The following ZNF25 variants were observed in gnomAD, a reference collection of about 807,000 sequenced individuals.
The protein encoded by ZNF25 is zinc finger protein 25.
ZNF25 carries 21 observed loss-of-function variants against 30.9 expected under a neutral mutation model. That is an observed-to-expected ratio of 0.68 (90% CI 0.48 to 0.98). ZNF25 has a LOEUF of 0.98. Among genes scored for constraint, ZNF25 ranks in the 50% least tolerant of loss-of-function variants. ZNF25 has a pLI of 0.00. For synonymous variants in ZNF25, 169 were observed against 181.3 expected, an observed-to-expected ratio of 0.93 and a Z score of 0.55; for missense variants, 501 against 529.9, an observed-to-expected ratio of 0.95 and a Z score of 0.54.
At chr10:37,956,519 A>G (rs1224512530) in intron 4 of ZNF25, among the ~76,000 whole-genome samples, 1 of 152,216 alleles carries the variant, frequency 6.6e-6, no homozygotes, top group Non-Finnish European at 1.5e-5. Flanking sequence ...AGCAAAGAAG[A>G]GAATTTAAGT....
At position 37,952,774 on chromosome 10, in the gene ZNF25, T is replaced by C. The variant is rs1271766580; in HGVS notation, c.724A>G (p.Lys242Glu). 1.2e-6 allele frequency: 2 copies of C among 1,614,124 alleles called. No individual in the cohort carries two copies. The highest frequency in any genetic ancestry group is 1.1e-5 in the South Asian group (1 of 91,088). The part of the protein sequence containing the change: ...CTECGKFFYV[K>E]AYLMVHQKTH... ...TTCTGATGTACCATGAGGTATGCCT[T>C]CACATAGAAGAACTTCCCACATTCA... Residue 242 changes from lysine (K) to glutamate (E), a missense_variant, in exon 6 of 6, where the codon AAG (lysine) becomes GAG (glutamate). Coordinates refer to ENST00000302609, the MANE Select transcript of ZNF25 (RefSeq NM_145011.4).
chr10:37,971,692 TAAGTA>T lies in ZNF25; in HGVS notation c.15+11_15+15del, dbSNP rs1349589505. On this transcript the variant is annotated intron_variant, in intron 2 of 5. Coordinates refer to ENST00000302609, the MANE Select transcript of ZNF25 (RefSeq NM_145011.4). ...ACACACAGTGAAACAAAGTTAGGGC[TAAGTA>T]AATGACTCACCTGGAACTTGTTCAT... 1 of 1,611,796 alleles carries T rather than the reference TAAGTA, an allele frequency of 6.2e-7. No individual in the cohort carries two copies. The highest frequency in any genetic ancestry group is 8.5e-7 in the Non-Finnish European group (1 of 1,179,812).
chr10:37,968,748 A>C (rs1395326315), intron 2 of ZNF25, among the ~76,000 whole-genome samples: 1 of 152,170 alleles, frequency 6.6e-6, no homozygotes, highest in East Asian at 1.9e-4. Flanking sequence ...AAATAACACA[A>C]CTCACCCTTG....
In ZNF25 at chr10:37,952,488, G is replaced by A. The variant is rs376857487; in HGVS notation, c.1010C>T (p.Thr337Ile). 6.2e-7 allele frequency: 1 copy of A among 1,614,072 alleles called. No individual in the cohort carries two copies. Among genetic ancestry groups the A allele is most frequent in the Non-Finnish European group, 8.5e-7 (1 of 1,179,994 alleles). Reference protein sequence around the residue: ...SALTVHQRTHTGEKPFECNKC... With the variant: ...SALTVHQRTHIGEKPFECNKC... The stretch of plus-strand genomic sequence containing the variant: ...ATTACATTCAAAGGGTTTCTCCCCT[G>A]TGTGAGTTCGCTGATGTACTGTGAG... The change falls in exon 6 of 6, where the codon ACA (threonine) becomes ATA (isoleucine). Residue 337 changes from threonine to isoleucine, a missense_variant. Coordinates refer to ENST00000302609, the MANE Select transcript of ZNF25 (RefSeq NM_145011.4).
At position 37,971,695 on chromosome 10, in the gene ZNF25, G is replaced by GT; in HGVS notation, c.15+12dup. On this transcript the variant is annotated intron_variant, in intron 2 of 5. Transcript: ENST00000302609. ...CACAGTGAAACAAAGTTAGGGCTAA[G>GT]TAAATGACTCACCTGGAACTTGTTC... The GT allele has an allele frequency of 6.3e-7, 1 of 1,597,320 alleles. No individual in the cohort carries two copies. Among genetic ancestry groups the GT allele is most frequent in the South Asian group, 1.1e-5 (1 of 90,934 alleles).
At chr10:37,957,675 G>A in intron 2 of ZNF25, 129 bp from the exon 3 acceptor site, 1 of 964,530 alleles carries the variant, frequency 1.0e-6, no homozygotes, top group Admixed American at 2.7e-5. Flanking sequence ...TATTTGCCAT[G>A]CTGTACCCTG....
intron 2 of ZNF25, among the ~76,000 whole-genome samples, chr10:37,959,442 G>C (rs1039948387): frequency 3.9e-5 from 6 of 152,130 alleles, no homozygotes; most frequent in African/African-American, 7.2e-5. Context: ...TCGCTCGTGG[G>C]TACAGTTATA....
At chr10:37,956,738 GA>G (rs201384453) in intron 4 of ZNF25, among the ~76,000 whole-genome samples, 2,306 of 152,078 alleles carry the variant, frequency 0.015, 30 homozygotes, top group South Asian at 0.031. Flanking sequence ...CCAACATGGA[GA>G]AACCCCATCT....
At chr10:37,971,117 C>A (rs2063464707) in intron 2 of ZNF25, among the ~76,000 whole-genome samples, 1 of 152,080 alleles carries the variant, frequency 6.6e-6, no homozygotes, top group Non-Finnish European at 1.5e-5. Flanking sequence ...GAATTTGAGA[C>A]CAGCCTGGCC....
At chr10:37,974,487 T>C (rs111869346) in intron 1 of ZNF25, among the ~76,000 whole-genome samples, 6 of 152,022 alleles carry the variant, frequency 3.9e-5, no homozygotes, top group African/African-American at 1.4e-4. Context: ...ATAGAAGACA[T>C]ACAAATGGCC....
chr10:37,959,835 C>A (rs765627092), intron 2 of ZNF25, among the ~76,000 whole-genome samples: 5 of 151,772 alleles, frequency 3.3e-5, no homozygotes, highest in Admixed American at 6.6e-5. Flanking sequence ...GTCTCGAACT[C>A]CTGACCTCAG....
At chr10:37,966,855 A>T (rs1159302381) in intron 2 of ZNF25, among the ~76,000 whole-genome samples, 2 of 152,228 alleles carry the variant, frequency 1.3e-5, no homozygotes, top group Non-Finnish European at 2.9e-5. Flanking sequence ...TTTATCAAAC[A>T]TCACTTTAAA....
Position 37,951,788 on chromosome 10 carries a change from A to G in ZNF25, c.*339T>C, listed in dbSNP as rs1367325879. 9.3e-6 allele frequency: 2 copies of G among 214,786 alleles called. No individual in the cohort carries two copies. The allele number at this position is 214,786 out of a possible 1,614,324, so 13.3% of individuals were successfully genotyped here. A position where few individuals can be genotyped will look rare whatever the true frequency, so the allele number is the denominator to read the frequency against. The stretch of plus-strand genomic sequence containing the variant: ...TCTACAGCTGGCTGCCCTGACAGAA[A>G]ATGTCTTGACATTCGTTTTACTTAC... On this transcript the variant is annotated 3_prime_UTR_variant, in exon 6 of 6. Transcript: ENST00000302609.
intron 1 of ZNF25, among the ~76,000 whole-genome samples, chr10:37,974,252 A>G (rs1292685202): frequency 1.3e-5 from 2 of 152,220 alleles, no homozygotes; most frequent in Non-Finnish European, 2.9e-5. Context: ...AAGCACAAGC[A>G]ACAAAGGCAA....
chr10:37,957,058 C>G lies in ZNF25; in HGVS notation c.200G>C (p.Trp67Ser), dbSNP rs1213508251. Residue 67 changes from tryptophan (W) to serine (S), a missense_variant, in exon 4 of 6, where the codon TGG becomes TCG. Transcript: ENST00000302609. ...ATGTGGAAATTCTACTTCTAATATC[C>G]ATGGCTCTTTTCCTTGCTTCAACTT... ...VFKLKQGKEPWILEVEFPHRG... is the reference protein window; with the variant it reads ...VFKLKQGKEPSILEVEFPHRG... 3 of 1,614,124 alleles carry G rather than the reference C, an allele frequency of 1.9e-6. No individual in the cohort carries two copies. Among genetic ancestry groups the G allele is most frequent in the East Asian group, 4.5e-5 (2 of 44,878 alleles).
At chr10:37,957,983 C>T (rs2062635442) in intron 2 of ZNF25, among the ~76,000 whole-genome samples, 1 of 152,220 alleles carries the variant, frequency 6.6e-6, no homozygotes, top group Non-Finnish European at 1.5e-5. Flanking sequence ...CAATGGGCTA[C>T]ACCACATAGC....
chr10:37,951,061 TTGAC>T lies in ZNF25; in HGVS notation c.*1062_*1065del, dbSNP rs1218910190. On this transcript the variant is annotated 3_prime_UTR_variant, in exon 6 of 6. Transcript: ENST00000302609. ...TATAAATGTGTCCCTAATGCAAAAC[TTGAC>T]TGACATTTGAAAATTTTACAAAAAC... 1.3e-5 allele frequency: 2 copies of T among 152,198 alleles called. No homozygotes were observed. The highest frequency in any genetic ancestry group is 2.4e-5 in the African/African-American group (1 of 41,446). 9.4% of individuals were successfully genotyped at this position (152,198 alleles called of 1,614,324 possible). A position where few individuals can be genotyped will look rare whatever the true frequency, so the allele number is the denominator to read the frequency against.
chr10:37,966,202 T>C (rs2063173532), intron 2 of ZNF25, among the ~76,000 whole-genome samples: 2 of 152,122 alleles, frequency 1.3e-5, no homozygotes, highest in Non-Finnish European at 2.9e-5. Flanking sequence ...GCACATCACT[T>C]GAGATCAGGA....
rs971491049 is a variant in ZNF25, at chr10:37,951,260, A to C, written c.*867T>G. On this transcript the variant is annotated 3_prime_UTR_variant, in exon 6 of 6. Transcript: ENST00000302609. ...CTTAATGTGCAACATCTTCATACAC[A>C]TAATAGTTACTGAACTAAGATTATA... 6.6e-6 allele frequency: 1 copy of C among 152,390 alleles called. No individual in the cohort carries two copies. The highest frequency in any genetic ancestry group is 1.5e-5 in the Non-Finnish European group (1 of 68,050). The allele number at this position is 152,390 out of a possible 1,614,324, so 9.4% of individuals were successfully genotyped here. A position where few individuals can be genotyped will look rare whatever the true frequency, so the allele number is the denominator to read the frequency against.
Sources: gnomAD v4.1 joint callset for allele counts (sites outside exome capture counted in the v4.1 genomes callset) on GRCh38, gnomAD v4.1.1 for gene constraint, MANE v1.5 for transcripts, NCBI Gene and HGNC (gene_info 2026-07-23, HGNC 2026-07-21) for gene names.